Variants in PCDHGB1 observed in about 807,000 individuals in gnomAD.
PCDHGB1 encodes the protein protocadherin gamma-B1.
A neutral mutation model predicts 56.6 loss-of-function variants in PCDHGB1; 34 were observed. The ratio of observed to expected loss-of-function variants is 0.60; its 90% CI spans 0.46 to 0.80. The LOEUF is 0.80. Ranked by LOEUF, PCDHGB1 falls within the 30% of genes least tolerant of loss-of-function variation. The pLI, the probability that PCDHGB1 is intolerant of heterozygous loss-of-function variation, is 0.00. For missense variants in PCDHGB1, 1,278 were observed against 1,204.6 expected, an observed-to-expected ratio of 1.06 and a Z score of -0.90; for synonymous variants, 561 against 505.9, an observed-to-expected ratio of 1.11 and a Z score of -1.46.
At position 141,366,840 on chromosome 5, in the gene PCDHGB1, T is replaced by C. The variant is rs1006582691; in HGVS notation, c.2409+14171T>C. Reference sequence around the variant, plus strand: ...TGTCATATTCAGAATCAGCTAGTTATGTAAATAGTGGAACATTATTTGCTG... The same window carrying C: ...TGTCATATTCAGAATCAGCTAGTTACGTAAATAGTGGAACATTATTTGCTG... On this transcript the variant is annotated intron_variant, in intron 1 of 3. Coordinates refer to ENST00000523390, the MANE Select transcript of PCDHGB1 (RefSeq NM_018922.3). The C allele has an allele frequency of 1.2e-5, 18 of 1,493,738 alleles. No homozygotes were observed. The East Asian group carries it at 1.4e-4, about 11-fold the overall frequency. 92.5% of individuals were successfully genotyped at this position (1,493,738 alleles called of 1,614,324 possible). A position where few individuals can be genotyped will look rare whatever the true frequency, so the allele number is the denominator to read the frequency against.
rs761202330 is a variant in PCDHGB1 at position 141,489,878 on chromosome 5, C to T, written c.2410-4929C>T. 1.1e-5 allele frequency: 17 copies of T among 1,614,116 alleles called. No individual in the cohort carries two copies. In the East Asian group the frequency reaches 3.6e-4, roughly 34 times the overall value. On this transcript the variant is annotated intron_variant, in intron 1 of 3. Transcript: ENST00000523390. This position sits in a 1 kb window ranked among gnomAD's most constrained non-coding sequence, Gnocchi z 4.5. ...CAGGCAAGACATCAGCTGGTGCTTA[C>T]TGCTGTGGATGGGGGGACCCCAGCC... is the stretch of plus-strand genomic sequence containing the variant.
chr5:141,393,615 G>A (rs1168568292), intron 1 of PCDHGB1: 1 of 1,613,928 alleles, frequency 6.2e-7, no homozygotes, highest in South Asian at 1.1e-5. Context: ...AACAGCCAGC[G>A]ACCCGGATGA....
intron 1 of PCDHGB1, chr5:141,366,903 C>T (rs1018569016): frequency 6.8e-5 from 80 of 1,174,592 alleles, no homozygotes; most frequent in Non-Finnish European, 8.5e-5. Context: ...TTCATGCTTT[C>T]TCCATTTGTT....
intron 1 of PCDHGB1, among the ~76,000 whole-genome samples, chr5:141,460,672 TATATCTATATA>T (rs2098995194): frequency 6.6e-6 from 1 of 152,086 alleles, no homozygotes; most frequent in Admixed American, 6.6e-5. Flanking sequence ...AACACAGTTA[TATATCTATATA>T]TCCACCAACA....
At chr5:141,458,094 A>G (rs1036190372) in intron 1 of PCDHGB1, among the ~76,000 whole-genome samples, 3 of 152,260 alleles carry the variant, frequency 2.0e-5, no homozygotes, top group African/African-American at 7.2e-5. Context: ...AGTTAAGAGT[A>G]CTTACAGATA....
At chr5:141,401,669 T>A (rs2094181201) in intron 1 of PCDHGB1, among the ~76,000 whole-genome samples, 1 of 152,234 alleles carries the variant, frequency 6.6e-6, no homozygotes, top group Admixed American at 6.5e-5. Context: ...TTTCTCAACA[T>A]CCTTGTAGGA....
At chr5:141,394,300 T>A (rs753637808) in intron 1 of PCDHGB1, 1 of 1,613,938 alleles carries the variant, frequency 6.2e-7, no homozygotes, top group Admixed American at 1.7e-5. Context: ...GAGGACACGC[T>A]GCAGGGGGCG....
At chr5:141,470,038 A>C (rs1256439782) in intron 1 of PCDHGB1, among the ~76,000 whole-genome samples, 1 of 152,204 alleles carries the variant, frequency 6.6e-6, no homozygotes, top group Non-Finnish European at 1.5e-5. Flanking sequence ...CTGAGGCGCG[A>C]GAACTGTTTG....
At chr5:141,376,294 C>A in intron 1 of PCDHGB1, 4 of 1,614,226 alleles carry the variant, frequency 2.5e-6, no homozygotes, top group Non-Finnish European at 3.4e-6. Flanking sequence ...GCATGCCCGG[C>A]TCGCACTTTG....
Position 141,511,267 on chromosome 5 carries a change from C to T in PCDHGB1, c.*94C>T, listed in dbSNP as rs1223074819. 1.3e-6 allele frequency: 2 copies of T among 1,549,404 alleles called. No homozygotes were observed. Among genetic ancestry groups the T allele is most frequent in the Non-Finnish European group, 1.7e-6 (2 of 1,146,836 alleles). On this transcript the variant is annotated 3_prime_UTR_variant, in exon 4 of 4. Transcript: ENST00000523390. ...CCAGGCCTCAGAGTTTCAGGGCTAA[C>T]CCCCAGAATACTGGTAGGGGCCAAG...
rs892011345 is a variant in PCDHGB1, at chr5:141,352,177, G to A, written c.1917G>A (p.Leu639=). ...GDRDAARQRL[L]VAVRDGGQPP... ...GGGACGCGGCCCGCCAGCGCCTGCT[G>A]GTCGCTGTGCGTGATGGAGGACAGC... Residue 639 remains leucine (L), a synonymous_variant, in exon 1 of 4, where the codon CTG becomes CTA. Transcript: ENST00000523390. 7 of 1,613,758 alleles carry A rather than the reference G, an allele frequency of 4.3e-6. No individual in the cohort carries two copies. The highest frequency in any genetic ancestry group is 4.0e-5 in the African/African-American group (3 of 75,076).
At chr5:141,442,358 A>C (rs2098318223) in intron 1 of PCDHGB1, 1 of 152,304 alleles carries the variant, frequency 6.6e-6, no homozygotes, top group African/African-American at 2.4e-5. Context: ...CTGTAGCTCT[A>C]TGATGCCATA....
chr5:141,381,044 T>G (rs745590770), intron 1 of PCDHGB1, among the ~76,000 whole-genome samples: 1 of 152,278 alleles, frequency 6.6e-6, no homozygotes, highest in Admixed American at 6.5e-5. Flanking sequence ...AAAATTTATC[T>G]ACTTTGTGAA....
At chr5:141,419,299 C>T in intron 1 of PCDHGB1, 12 of 1,614,048 alleles carry the variant, frequency 7.4e-6, no homozygotes, top group Non-Finnish European at 1.0e-5. Flanking sequence ...CTGACCCAGA[C>T]TTCGGGCTCA....
intron 1 of PCDHGB1, chr5:141,390,432 C>T: frequency 2.0e-6 from 2 of 985,350 alleles, no homozygotes; most frequent in South Asian, 3.4e-5. Context: ...GCTGTCATAT[C>T]ATTCTACAAA....
chr5:141,500,871 T>C (rs2154592764), intron 2 of PCDHGB1, among the ~76,000 whole-genome samples: 1 of 135,840 alleles, frequency 7.4e-6, no homozygotes, highest in African/African-American at 3.0e-5. Context: ...TACACATTCA[T>C]TTACAATTTT....
rs772755481 is a variant in PCDHGB1 at position 141,352,501 on chromosome 5, C to G, written c.2241C>G (p.Ser747=). The G allele has an allele frequency of 6.2e-6, 10 of 1,614,010 alleles. No homozygotes were observed. The highest frequency in any genetic ancestry group is 5.5e-5 in the South Asian group (5 of 91,088). The part of the protein sequence containing the change: ...PNHSEGTLPY[S]YNLCIASHSA... ...ACAGCGAGGGGACTTTGCCCTATTC[C>G]TACAATCTATGTATTGCCTCTCATT... is the stretch of plus-strand genomic sequence containing the variant. Residue 747 remains serine, a synonymous_variant, in exon 1 of 4, where the codon TCC becomes TCG. Transcript: ENST00000523390.
intron 1 of PCDHGB1, chr5:141,400,218 G>C (rs2093982352): frequency 6.2e-7 from 1 of 1,613,932 alleles, no homozygotes; most frequent in Admixed American, 1.7e-5. Context: ...TGATCTCAGT[G>C]CTCTTCCTCC....
chr5:141,472,159 A>G (rs1020175900), intron 1 of PCDHGB1, among the ~76,000 whole-genome samples: 1 of 152,246 alleles, frequency 6.6e-6, no homozygotes, highest in Non-Finnish European at 1.5e-5. Context: ...TTACATAGCT[A>G]CTAGGTGTAA....
Sources: gnomAD v4.1 joint callset for allele counts (sites outside exome capture counted in the v4.1 genomes callset) on GRCh38, gnomAD v4.1.1 for gene constraint, Gnocchi (gnomAD v3.1) non-coding constraint, MANE v1.5 for transcripts, NCBI Gene and HGNC (gene_info 2026-07-23, HGNC 2026-07-21) for gene names.